The following PIBF1 variants were observed in gnomAD, a reference collection of about 807,000 sequenced individuals.
The protein encoded by PIBF1 is progesterone immunomodulatory binding factor 1, also known as progesterone-induced-blocking factor 1.
PIBF1 carries 90 observed loss-of-function variants against 112.5 expected under a neutral mutation model. The observed-to-expected ratio is 0.80, with a 90% confidence interval of 0.67 to 0.95. The LOEUF (loss-of-function observed/expected upper bound fraction) is 0.95, where lower values mean the gene tolerates loss of function less well. Ranked by LOEUF, PIBF1 falls within the 40% of genes least tolerant of loss-of-function variation. PIBF1 has a pLI of 0.00. For synonymous variants in PIBF1, 301 were observed against 288.6 expected, an observed-to-expected ratio of 1.04 and a Z score of -0.44; for missense variants, 915 against 852.3, an observed-to-expected ratio of 1.07 and a Z score of -0.92.
chr13:72,812,314 G>C lies in PIBF1; in HGVS notation c.673-9535G>C, dbSNP rs75241153. On this transcript the variant is annotated intron_variant, in intron 5 of 17. Coordinates refer to ENST00000326291, the MANE Select transcript of PIBF1 (RefSeq NM_006346.4). ...TTTTTAATGACCTCAGAAATTAACA[G>C]ATGCATATGATGGTTCATCTGAATG... Among the ~76,000 whole-genome samples the C allele has an allele frequency of 7.8e-3, 1,187 of 152,226 alleles. 14 individuals carry two copies. Among genetic ancestry groups the C allele is most frequent in the African/African-American group, 0.027 (1,117 of 41,534 alleles).
intron 11 of PIBF1, among the ~76,000 whole-genome samples, chr13:72,902,231 G>C (rs951449821): frequency 2.0e-5 from 3 of 152,090 alleles, no homozygotes; most frequent in Non-Finnish European, 2.9e-5. Context: ...TGGGTACTTG[G>C]GGGGAAGAGT....
intron 10 of PIBF1, among the ~76,000 whole-genome samples, chr13:72,875,600 T>C (rs1352398550): frequency 6.6e-6 from 1 of 152,230 alleles, no homozygotes; most frequent in African/African-American, 2.4e-5. Flanking sequence ...TGCCAGCATT[T>C]GGCATTGCCA....
At chr13:72,910,149 TC>T (rs1276756170) in intron 12 of PIBF1, among the ~76,000 whole-genome samples, 1 of 152,196 alleles carries the variant, frequency 6.6e-6, no homozygotes, top group African/African-American at 2.4e-5. Flanking sequence ...TTCTTTCCTA[TC>T]ATTGTCCTAT....
At chr13:72,959,563 A>T (rs1481700188) in intron 14 of PIBF1, among the ~76,000 whole-genome samples, 4 of 152,190 alleles carry the variant, frequency 2.6e-5, no homozygotes. Flanking sequence ...AAAGAACTTC[A>T]TTTCTAGTTT....
In PIBF1 at chr13:72,909,220, A is replaced by G. The variant is rs545001313; in HGVS notation, c.1639+539A>G. Among the ~76,000 whole-genome samples, 6 of 152,326 alleles carry G rather than the reference A, an allele frequency of 3.9e-5. No individual in the cohort carries two copies. In the East Asian group the frequency reaches 5.8e-4, roughly 15 times the overall value. On this transcript the variant is annotated intron_variant, in intron 12 of 17. Transcript: ENST00000326291. ...ATAGCTTTTATCTGTTCAATTTTTT[A>G]TCAAATTCACTTACTCCAGAATTGT...
chr13:72,810,812 C>T (rs886445703), intron 5 of PIBF1, among the ~76,000 whole-genome samples: 1 of 151,824 alleles, frequency 6.6e-6, no homozygotes, highest in African/African-American at 2.4e-5. Flanking sequence ...TTCATAGCCA[C>T]CTGCATGGGT....
At chr13:72,788,326 A>AATAC (rs948001400) in intron 2 of PIBF1, among the ~76,000 whole-genome samples, 1 of 152,242 alleles carries the variant, frequency 6.6e-6, no homozygotes, top group African/African-American at 2.4e-5. Context: ...TTCAGCAGTT[A>AATAC]ATACCAGAGA....
intron 10 of PIBF1, among the ~76,000 whole-genome samples, chr13:72,856,715 A>T (rs1255500038): frequency 2.6e-5 from 4 of 152,202 alleles, no homozygotes; most frequent in Non-Finnish European, 5.9e-5. Flanking sequence ...AAATGAAGGG[A>T]AAAGTATCCC....
chr13:72,795,354 T>A lies in PIBF1; in HGVS notation c.354-5T>A, dbSNP rs140177511. 1 of 1,545,234 alleles carries A rather than the reference T, an allele frequency of 6.5e-7. No individual in the cohort carries two copies. The highest frequency in any genetic ancestry group is 1.2e-5 in the South Asian group (1 of 84,770). ...AAGCCTGCCATAAATTCTCTTCTAA[T>A]GTAGCAAATATCAAGAATTAATGAA... On this transcript the variant is annotated splice_polypyrimidine_tract_variant and splice_region_variant and intron_variant, in intron 3 of 17. Transcript: ENST00000326291.
intron 11 of PIBF1, among the ~76,000 whole-genome samples, chr13:72,906,331 T>C (rs2040703409): frequency 6.6e-6 from 1 of 152,176 alleles, no homozygotes; most frequent in African/African-American, 2.4e-5. Context: ...AATCTTTGTA[T>C]TATTCAGTTA....
intron 17 of PIBF1, among the ~76,000 whole-genome samples, chr13:73,014,481 A>G (rs1368399013): frequency 1.3e-5 from 2 of 152,206 alleles, no homozygotes; most frequent in African/African-American, 4.8e-5. Context: ...ATGATACTAT[A>G]ATGGTGGATG....
At chr13:72,904,341 G>A (rs896810648) in intron 11 of PIBF1, among the ~76,000 whole-genome samples, 1 of 149,704 alleles carries the variant, frequency 6.7e-6, no homozygotes, top group African/African-American at 2.5e-5. Flanking sequence ...TCAGTTACAG[G>A]ATAAATATCA....
intron 16 of PIBF1, 104 bp from the exon 17 acceptor site, chr13:72,998,718 A>C: frequency 1.4e-6 from 1 of 699,908 alleles, no homozygotes; most frequent in Non-Finnish European, 2.4e-6. Context: ...TTATGTGTGT[A>C]GTATAATTGT....
In PIBF1 at chr13:72,958,145, A is replaced by T. The variant is rs948832595; in HGVS notation, c.1834-7129A>T. 1.3e-5 allele frequency among the ~76,000 whole-genome samples: 2 copies of T among 151,808 alleles called. 1 individual carries two copies. The highest frequency in any genetic ancestry group is 4.2e-4 in the South Asian group (2 of 4,800). The stretch of plus-strand genomic sequence containing the variant: ...TTAAAAAAAAAAAGAATCACGTAAG[A>T]TTCTTGTTTAAAATGTAAAACAGGC... On this transcript the variant is annotated intron_variant, in intron 14 of 17. Transcript: ENST00000326291.
intron 17 of PIBF1, among the ~76,000 whole-genome samples, chr13:73,002,261 T>G (rs1425757355): frequency 6.6e-6 from 1 of 152,126 alleles, no homozygotes; most frequent in Non-Finnish European, 1.5e-5. Flanking sequence ...CTAAACTGGG[T>G]GGGGAACTTT....
At chr13:72,818,246 C>A (rs899517807) in intron 5 of PIBF1, among the ~76,000 whole-genome samples, 4 of 152,190 alleles carry the variant, frequency 2.6e-5, no homozygotes, top group African/African-American at 4.8e-5. Context: ...AACTCATCAT[C>A]TGGATACCCC....
intron 15 of PIBF1, among the ~76,000 whole-genome samples, chr13:72,966,254 A>C (rs1478695135): frequency 6.6e-6 from 1 of 152,166 alleles, no homozygotes; most frequent in Non-Finnish European, 1.5e-5. Context: ...ACTAATTCCA[A>C]AGTATAAATG....
chr13:72,827,241 T>A (rs1385154857), intron 7 of PIBF1, 123 bp downstream of exon 7: 2 of 79,010 alleles, frequency 2.5e-5, no homozygotes, highest in East Asian at 3.4e-4. Context: ...AAGATAAATT[T>A]TTTTTTTTTT....
intron 5 of PIBF1, among the ~76,000 whole-genome samples, chr13:72,820,053 G>A (rs2138113922): frequency 6.6e-6 from 1 of 151,980 alleles, no homozygotes; most frequent in Non-Finnish European, 1.5e-5. Context: ...TGATCTCTTT[G>A]GAAGCCAAAG....
Sources: allele counts gnomAD v4.1 joint callset (sites outside exome capture counted in the v4.1 genomes callset), GRCh38; gene constraint gnomAD v4.1.1; transcripts MANE v1.5; gene names NCBI Gene and HGNC (gene_info 2026-07-23, HGNC 2026-07-21).